LIPJ: variants seen among roughly 807,000 people sequenced by gnomAD.
The protein encoded by LIPJ is lipase family member J, also known as lipase member J.
In LIPJ, 33 loss-of-function variants were observed where a neutral mutation model predicts 39.8. The observed-to-expected ratio is 0.83, with a 90% CI of 0.63 to 1.11. The LOEUF (loss-of-function observed/expected upper bound fraction) is 1.11. Among genes scored for constraint, LIPJ ranks in the 50% least tolerant of loss-of-function variants. The pLI, the probability that LIPJ is intolerant of heterozygous loss-of-function variation, is 0.00. For missense variants in LIPJ, 422 were observed against 427.9 expected, an observed-to-expected ratio of 0.99 and a Z score of 0.12; for synonymous variants, 128 against 139.2, an observed-to-expected ratio of 0.92 and a Z score of 0.57.
At chr10:88,615,608 A>G in the LIPJ span, among the ~76,000 whole-genome samples, 1 of 144,564 alleles carries the variant, frequency 6.9e-6, no homozygotes, top group African/African-American at 2.6e-5. Flanking sequence ...AGCTCCAGCA[A>G]CAGTGTGAGA....
At chr10:88,622,142 A>G in the LIPJ span, among the ~76,000 whole-genome samples, 2 of 152,160 alleles carry the variant, frequency 1.3e-5, no homozygotes, top group African/African-American at 4.8e-5. Context: ...CTGACAGTTT[A>G]TTATCTTCTC....
the LIPJ span, among the ~76,000 whole-genome samples, chr10:88,617,765 T>C: frequency 6.6e-6 from 1 of 152,124 alleles, no homozygotes; most frequent in African/African-American, 2.4e-5. Flanking sequence ...CCTCTAAAGA[T>C]AGTGTCAGAA....
At chr10:88,606,859 T>C (rs1400721703) in exon 11 of LIPJ, 1 of 1,597,392 alleles carries the variant, frequency 6.3e-7, no homozygotes, top group Non-Finnish European at 8.5e-7. Context: ...TAGATGTCTA[T>C]GATCAAGTTT....
At chr10:88,587,963 T>C (rs1265102816) in intron 2 of LIPJ, among the ~76,000 whole-genome samples, 4 of 152,112 alleles carry the variant, frequency 2.6e-5, no homozygotes, top group Non-Finnish European at 5.9e-5. Context: ...ATTGATGAGA[T>C]ATTTTACATT....
downstream of LIPJ, among the ~76,000 whole-genome samples, chr10:88,610,338 A>G (rs961520134): frequency 6.6e-6 from 1 of 152,202 alleles, no homozygotes; most frequent in Admixed American, 6.5e-5. Flanking sequence ...ATTTTTATGT[A>G]CTAGCGTCAT....
chr10:88,616,834 C>CA, the LIPJ span, among the ~76,000 whole-genome samples: 6 of 152,182 alleles, frequency 3.9e-5, no homozygotes, highest in African/African-American at 7.2e-5. Context: ...CAAATGGCTA[C>CA]AGTCTCTAGA....
Position 88,591,361 on chromosome 10 carries a change from G to A in LIPJ, c.10-17G>A, listed in dbSNP as rs777438607. The A allele has an allele frequency of 3.8e-6, 6 of 1,570,638 alleles. No individual in the cohort carries two copies. Among genetic ancestry groups the A allele is most frequent in the African/African-American group, 1.4e-5 (1 of 72,518 alleles). The stretch of plus-strand genomic sequence containing the variant: ...ATAACAATTTTATGCTAAAAGATTT[G>A]CTTTTTCTTTATCTAGAGCCAGATT... On this transcript the variant is annotated splice_polypyrimidine_tract_variant and intron_variant, in intron 3 of 10. Transcript: ENST00000371939.
intron 8 of LIPJ, among the ~76,000 whole-genome samples, chr10:88,598,351 T>C (rs1171381978): frequency 1.3e-5 from 2 of 152,038 alleles, no homozygotes; most frequent in African/African-American, 4.8e-5. Context: ...AAGCAAGTCA[T>C]GAGAACTGAA....
chr10:88,606,873 A>C (rs1431609792), exon 11 of LIPJ: 5 of 1,588,280 alleles, frequency 3.1e-6, no homozygotes, highest in Non-Finnish European at 4.3e-6. Flanking sequence ...CAAGTTTACC[A>C]TGAAATCATT....
chr10:88,606,609 A>G, intron 10 of LIPJ, 65 bp from the exon 11 acceptor site: 1 of 884,236 alleles, frequency 1.1e-6, no homozygotes, highest in Non-Finnish European at 1.8e-6. Flanking sequence ...TTTAACAATT[A>G]GTAATTAAAA....
At chr10:88,610,089 AAC>A (rs1564942232), downstream of LIPJ, among the ~76,000 whole-genome samples, 1 of 152,126 alleles carries the variant, frequency 6.6e-6, no homozygotes, top group Non-Finnish European at 1.5e-5. Flanking sequence ...TTTGGGTTGT[AAC>A]CCCAGAGTAC....
chr10:88,589,991 G>GT (rs1851027620), intron 2 of LIPJ, among the ~76,000 whole-genome samples: 1 of 151,636 alleles, frequency 6.6e-6, no homozygotes, highest in African/African-American at 2.4e-5. Flanking sequence ...CATAAGATTA[G>GT]TAAGTCATGC....
At chr10:88,616,705 G>T in the LIPJ span, among the ~76,000 whole-genome samples, 65,571 of 152,030 alleles carry the variant, frequency 0.43, 14,261 homozygotes, top group Middle Eastern at 0.48. Flanking sequence ...TGGGTATCCC[G>T]CAACCCCTGC....
intron 10 of LIPJ, among the ~76,000 whole-genome samples, chr10:88,606,322 A>T (rs369993656): frequency 5.8e-4 from 88 of 152,324 alleles, no homozygotes; most frequent in African/African-American, 2.0e-3. Context: ...TGGACTGCCA[A>T]TACTTATAAT....
At chr10:88,593,209 TA>T (rs1186633482) in intron 4 of LIPJ, 7 of 151,756 alleles carry the variant, frequency 4.6e-5, no homozygotes, top group African/African-American at 1.7e-4. Flanking sequence ...GCGGTGGTCA[TA>T]GCCTTGTTTG....
intron 4 of LIPJ, 154 bp from the exon 5 acceptor site, chr10:88,593,792 C>A (rs906790318): frequency 1.8e-5 from 11 of 615,798 alleles, no homozygotes; most frequent in Middle Eastern, 9.0e-4. Context: ...CTCTGTCATA[C>A]AACGGGATTA....
intron 3 of LIPJ, among the ~76,000 whole-genome samples, chr10:88,591,115 T>C (rs1218573271): frequency 2.0e-5 from 3 of 150,024 alleles, no homozygotes; most frequent in Non-Finnish European, 3.0e-5. Flanking sequence ...TCTTGAGATA[T>C]CTCTTTGAGG....
chr10:88,594,385 C>T (rs1308519732), intron 5 of LIPJ: 5 of 501,736 alleles, frequency 1.0e-5, no homozygotes, highest in African/African-American at 9.8e-5. Flanking sequence ...CAACCCCATC[C>T]TTCCTTTAAC....
At chr10:88,617,874 ACT>A in the LIPJ span, among the ~76,000 whole-genome samples, 1 of 152,180 alleles carries the variant, frequency 6.6e-6, no homozygotes, top group African/African-American at 2.4e-5. Context: ...CAACAAAATT[ACT>A]CTCTCTACTA....
Sources: gnomAD v4.1 joint callset for allele counts (sites outside exome capture counted in the v4.1 genomes callset) on GRCh38, gnomAD v4.1.1 for gene constraint, MANE v1.5 for transcripts, NCBI Gene and HGNC (gene_info 2026-07-23, HGNC 2026-07-21) for gene names.